OPCML: variants seen among roughly 807,000 people sequenced by gnomAD.
The protein encoded by OPCML is opioid binding protein/cell adhesion molecule like, also known as opioid-binding protein/cell adhesion molecule.
In OPCML, 13 loss-of-function variants were observed where a neutral mutation model predicts 37.8. The observed-to-expected ratio is 0.34, with a 90% confidence interval of 0.22 to 0.55. The LOEUF is 0.55. Among genes scored for constraint, OPCML ranks in the 20% least tolerant of loss-of-function variants. The pLI is 0.91. For synonymous variants in OPCML, 176 were observed against 168.8 expected (o/e 1.04, Z -0.33); for missense variants, 341 against 435.6 (o/e 0.78, Z 1.93).
intron 1 of OPCML, among the ~76,000 whole-genome samples, chr11:133,188,773 T>A (rs1592086419): frequency 6.6e-6 from 1 of 152,198 alleles, no homozygotes; most frequent in African/African-American, 2.4e-5. Context: ...CTATAAATTA[T>A]CCTTGCTAGT....
chr11:133,058,377 G>A (rs576065725), intron 1 of OPCML, among the ~76,000 whole-genome samples: 14 of 152,210 alleles, frequency 9.2e-5, no homozygotes, highest in Non-Finnish European at 1.8e-4. Context: ...AGAGCATGGT[G>A]TGTTTGCATG....
chr11:133,124,727 C>T (rs181367406), intron 1 of OPCML, among the ~76,000 whole-genome samples: 1 of 152,252 alleles, frequency 6.6e-6, no homozygotes, highest in Non-Finnish European at 1.5e-5. Flanking sequence ...CAGAACCCAT[C>T]TGATTTGGAT....
chr11:132,865,194 G>A (rs893945076), intron 2 of OPCML, among the ~76,000 whole-genome samples: 3 of 152,094 alleles, frequency 2.0e-5, no homozygotes, highest in Non-Finnish European at 2.9e-5. Context: ...ACGCGCGCAC[G>A]CAAACACACA....
At chr11:133,239,087 G>T (rs1940630171) in intron 1 of OPCML, among the ~76,000 whole-genome samples, 1 of 152,226 alleles carries the variant, frequency 6.6e-6, no homozygotes, top group South Asian at 2.1e-4. Context: ...CAACTCAGAA[G>T]ACTGCAGTCA....
chr11:132,526,142 C>G (rs2096307800), intron 4 of OPCML, among the ~76,000 whole-genome samples: 1 of 152,070 alleles, frequency 6.6e-6, no homozygotes, highest in African/African-American at 2.4e-5. Context: ...AAAATCTTAC[C>G]AGTGTACCAT....
At chr11:132,703,515 G>A (rs147689411) in intron 2 of OPCML, among the ~76,000 whole-genome samples, 2 of 152,300 alleles carry the variant, frequency 1.3e-5, no homozygotes, top group East Asian at 3.9e-4. Flanking sequence ...GGTCTGTATA[G>A]ACTGTCTTTG....
chr11:132,628,758 AG>A (rs533175918), intron 3 of OPCML, among the ~76,000 whole-genome samples: 2 of 152,040 alleles, frequency 1.3e-5, no homozygotes, highest in Admixed American at 6.5e-5. Flanking sequence ...TAATTGAATG[AG>A]GGGGGGCAGT....
rs551965338 is a variant in OPCML at position 132,907,206 on chromosome 11, T to C, written c.146+35720A>G. 7.2e-5 allele frequency among the ~76,000 whole-genome samples: 11 copies of C among 152,314 alleles called. No individual in the cohort carries two copies. In the South Asian group the frequency reaches 2.1e-3, roughly 29 times the overall value. The stretch of plus-strand genomic sequence containing the variant: ...CTTTTGCAATATGAACCCTCCACAT[T>C]TTCTCAATCCATCCTTCTAACACTC... On this transcript the variant is annotated intron_variant, in intron 2 of 7. Coordinates refer to ENST00000524381, the MANE Select transcript of OPCML (RefSeq NM_001012393.5).
chr11:132,845,152 C>T (rs367889790), intron 2 of OPCML, among the ~76,000 whole-genome samples: 93 of 152,084 alleles, frequency 6.1e-4, no homozygotes, highest in African/African-American at 2.0e-3. Context: ...GACTCTAGCT[C>T]GTTACTTGGC....
chr11:132,902,294 T>G (rs1944091910), intron 2 of OPCML, among the ~76,000 whole-genome samples: 1 of 152,094 alleles, frequency 6.6e-6, no homozygotes, highest in Non-Finnish European at 1.5e-5. Context: ...TAGTCAGGGC[T>G]CTTGGGAATG....
intron 1 of OPCML, among the ~76,000 whole-genome samples, chr11:132,980,935 T>C (rs960269237): frequency 5.3e-5 from 8 of 152,246 alleles, no homozygotes; most frequent in Admixed American, 2.0e-4. Flanking sequence ...AATCCTGTCA[T>C]TGTGCAAACA....
intron 1 of OPCML, among the ~76,000 whole-genome samples, chr11:133,121,710 A>C (rs932403841): frequency 6.6e-6 from 1 of 152,202 alleles, no homozygotes; most frequent in East Asian, 1.9e-4. Context: ...ACTTGATAAC[A>C]CTAAAGTTCA....
intron 3 of OPCML, among the ~76,000 whole-genome samples, chr11:132,645,693 C>T (rs1433137670): frequency 6.6e-6 from 1 of 152,076 alleles, no homozygotes; most frequent in African/African-American, 2.4e-5. Context: ...TTTAAAAAGC[C>T]CTAGCAACTC....
At chr11:132,893,074 C>A (rs1006239251) in intron 2 of OPCML, among the ~76,000 whole-genome samples, 1 of 152,170 alleles carries the variant, frequency 6.6e-6, no homozygotes, top group Non-Finnish European at 1.5e-5. Flanking sequence ...CCCATTAACC[C>A]TTGTTTTTGA....
intron 2 of OPCML, among the ~76,000 whole-genome samples, chr11:132,712,112 G>C (rs186495861): frequency 6.6e-6 from 1 of 152,308 alleles, no homozygotes; most frequent in African/African-American, 2.4e-5. Flanking sequence ...CATTCCCAGA[G>C]AGGAGGAAGG....
At chr11:132,883,469 G>T (rs1943293479) in intron 2 of OPCML, among the ~76,000 whole-genome samples, 1 of 152,132 alleles carries the variant, frequency 6.6e-6, no homozygotes, top group African/African-American at 2.4e-5. Context: ...CATATTCCAG[G>T]TGTGAAGAGA....
intron 2 of OPCML, among the ~76,000 whole-genome samples, chr11:132,724,751 G>T (rs1159607768): frequency 6.6e-6 from 1 of 152,152 alleles, no homozygotes. Context: ...GGGGGTACAG[G>T]CATTGGGTAA....
At chr11:133,507,487 T>G (rs1948060035) in intron 1 of OPCML, among the ~76,000 whole-genome samples, 1 of 152,176 alleles carries the variant, frequency 6.6e-6, no homozygotes, top group Admixed American at 6.5e-5. Context: ...CAGTGATGCT[T>G]GCAAGAACAG....
chr11:133,390,059 T>C (rs1458494313), intron 1 of OPCML, among the ~76,000 whole-genome samples: 6 of 152,240 alleles, frequency 3.9e-5, no homozygotes, highest in Admixed American at 3.9e-4. Context: ...ACGTGGATAA[T>C]GTAAGTCACT....
Sources: allele counts gnomAD v4.1 joint callset (sites outside exome capture counted in the v4.1 genomes callset), GRCh38; gene constraint gnomAD v4.1.1; transcripts MANE v1.5; gene names NCBI Gene and HGNC (gene_info 2026-07-23, HGNC 2026-07-21).